COL5A2: variants seen among roughly 807,000 people sequenced by gnomAD.
COL5A2 encodes collagen alpha-2(V) chain.
A neutral mutation model predicts 208.2 loss-of-function variants in COL5A2; 23 were observed. That is an observed-to-expected ratio of 0.11 (90% CI 0.08 to 0.16). The LOEUF (loss-of-function observed/expected upper bound fraction) is 0.16. Among genes scored for constraint, COL5A2 ranks in the 10% least tolerant of loss-of-function variants. The pLI is 1.00. For missense variants in COL5A2, 1,590 were observed against 1,956.4 expected, an observed-to-expected ratio of 0.81 and a Z score of 3.53; for synonymous variants, 625 against 628.5, an observed-to-expected ratio of 0.99 and a Z score of 0.08.
chr2:189,258,461 C>G, the COL5A2 span, among the ~76,000 whole-genome samples: 3 of 152,258 alleles, frequency 2.0e-5, no homozygotes, highest in South Asian at 6.2e-4. Flanking sequence ...GAATGGACAT[C>G]TTAGCTAAAA....
At chr2:189,404,054 CTTGA>C in the COL5A2 span, among the ~76,000 whole-genome samples, 2 of 152,142 alleles carry the variant, frequency 1.3e-5, no homozygotes, top group Admixed American at 6.5e-5. Flanking sequence ...AAAGGACTCA[CTTGA>C]TTAAGTCAGA....
the COL5A2 span, among the ~76,000 whole-genome samples, chr2:189,314,966 G>A: frequency 1.3e-5 from 2 of 152,080 alleles, no homozygotes; most frequent in Non-Finnish European, 2.9e-5. Context: ...AAAAGCCCAG[G>A]ACCAGATGGA....
At chr2:189,078,209 G>A (rs181567759) in intron 16 of COL5A2, among the ~76,000 whole-genome samples, 1 of 151,974 alleles carries the variant, frequency 6.6e-6, no homozygotes, top group African/African-American at 2.4e-5. Context: ...CCAAGTTTGT[G>A]TTTTTCTATG....
the COL5A2 span, among the ~76,000 whole-genome samples, chr2:189,346,395 A>G: frequency 6.6e-6 from 1 of 152,154 alleles, no homozygotes. Context: ...ATTACTATCA[A>G]TGTTCATACC....
chr2:189,087,759 G>A (rs1055984527), intron 8 of COL5A2, among the ~76,000 whole-genome samples: 5 of 151,324 alleles, frequency 3.3e-5, no homozygotes, highest in Non-Finnish European at 7.4e-5. Flanking sequence ...GAGCCACCGT[G>A]CCTGGCCAAA....
intron 9 of COL5A2, 96 bp from the exon 10 acceptor site, chr2:189,085,868 G>T: frequency 1.0e-6 from 1 of 997,470 alleles, no homozygotes; most frequent in Non-Finnish European, 1.6e-6. Context: ...TTAGACAGTT[G>T]GCTCTGCCAT....
chr2:189,125,704 T>A (rs999097916), intron 1 of COL5A2, among the ~76,000 whole-genome samples: 4 of 152,098 alleles, frequency 2.6e-5, no homozygotes, highest in South Asian at 2.1e-4. Context: ...ATAAAATACA[T>A]GTTAATCATC....
the COL5A2 span, among the ~76,000 whole-genome samples, chr2:189,412,037 A>G: frequency 2.0e-4 from 30 of 152,286 alleles, no homozygotes; most frequent in Non-Finnish European, 3.8e-4. Flanking sequence ...TTCTCAGAGT[A>G]CTAACATCTG....
the COL5A2 span, among the ~76,000 whole-genome samples, chr2:189,351,715 C>T: frequency 3.3e-5 from 5 of 151,740 alleles, no homozygotes; most frequent in African/African-American, 1.2e-4. Flanking sequence ...TTGAGGAAAA[C>T]ACACAGTAAA....
At chr2:189,438,308 TG>T in the COL5A2 span, among the ~76,000 whole-genome samples, 1 of 152,160 alleles carries the variant, frequency 6.6e-6, no homozygotes, top group Non-Finnish European at 1.5e-5. Context: ...AAAAAGAGTT[TG>T]GCAATTTCTT....
chr2:189,154,712 T>C (rs1019415303), intron 1 of COL5A2, among the ~76,000 whole-genome samples: 1 of 151,938 alleles, frequency 6.6e-6, no homozygotes, highest in African/African-American at 2.4e-5. Flanking sequence ...TCTTCCCACC[T>C]CGGCCACCCA....
At chr2:189,376,718 G>T in the COL5A2 span, among the ~76,000 whole-genome samples, 34 of 152,180 alleles carry the variant, frequency 2.2e-4, no homozygotes, top group Admixed American at 3.3e-4. Flanking sequence ...CAGTTTAAGT[G>T]GACAAAATAT....
the COL5A2 span, among the ~76,000 whole-genome samples, chr2:189,405,085 C>T: frequency 2.4e-4 from 37 of 151,874 alleles, no homozygotes; most frequent in Non-Finnish European, 5.0e-4. Flanking sequence ...AAAAGTAGTT[C>T]CCTGGTACAC....
chr2:189,099,236 T>A (rs1401860440), intron 4 of COL5A2, among the ~76,000 whole-genome samples: 5 of 151,934 alleles, frequency 3.3e-5, no homozygotes, highest in Non-Finnish European at 7.4e-5. Context: ...AATAAAACAA[T>A]ATGAATTATT....
rs771164986 is a variant in COL5A2, at chr2:189,066,680, T to G, written c.1455+49A>C. On this transcript the variant is annotated intron_variant, in intron 22 of 53. Coordinates refer to ENST00000374866, the MANE Select transcript of COL5A2 (RefSeq NM_000393.5). The stretch of plus-strand genomic sequence containing the variant: ...CCCTTGAGCATTTTGAGCTGTACAC[T>G]TCCAGACAATACTATGTTCTACTTA... 3.3e-6 allele frequency: 5 copies of G among 1,493,312 alleles called. No individual in the cohort carries two copies. In the East Asian group the frequency reaches 6.8e-5, roughly 20 times the overall value. 92.5% of individuals were successfully genotyped at this position (1,493,312 alleles called of 1,614,324 possible). A position where few individuals can be genotyped will look rare whatever the true frequency, so the allele number is the denominator to read the frequency against.
the COL5A2 span, among the ~76,000 whole-genome samples, chr2:189,399,025 C>A: frequency 6.6e-6 from 1 of 152,116 alleles, no homozygotes; most frequent in Non-Finnish European, 1.5e-5. Flanking sequence ...TTGTTATATA[C>A]TTTTAAACCA....
the COL5A2 span, among the ~76,000 whole-genome samples, chr2:189,345,879 A>G: frequency 9.2e-5 from 14 of 152,252 alleles, no homozygotes; most frequent in East Asian, 7.7e-4. Flanking sequence ...TAATACATTG[A>G]CCTAAGTCAT....
intron 29 of COL5A2, 114 bp downstream of exon 29, chr2:189,062,751 C>T (rs1686061004): frequency 1.7e-6 from 2 of 1,181,874 alleles, no homozygotes; most frequent in Non-Finnish European, 2.5e-6. Context: ...CATTCCCATA[C>T]ATTCTTATTC....
At chr2:189,421,146 G>A in the COL5A2 span, among the ~76,000 whole-genome samples, 1 of 152,108 alleles carries the variant, frequency 6.6e-6, no homozygotes, top group East Asian at 1.9e-4. Flanking sequence ...TTTTTTTAAA[G>A]TACTAATACT....
Sources: gnomAD v4.1 joint callset for allele counts (sites outside exome capture counted in the v4.1 genomes callset) on GRCh38, gnomAD v4.1.1 for gene constraint, MANE v1.5 for transcripts, NCBI Gene and HGNC (gene_info 2026-07-23, HGNC 2026-07-21) for gene names.